Variants in PCDH15 observed in about 807,000 individuals in gnomAD.
PCDH15 encodes protocadherin related 15.
PCDH15 carries 129 observed loss-of-function variants against 178.5 expected under a neutral mutation model. The observed-to-expected ratio is 0.72, with a 90% CI of 0.63 to 0.84. The LOEUF (loss-of-function observed/expected upper bound fraction) is 0.84. Ranked by LOEUF, PCDH15 falls within the 40% of genes least tolerant of loss-of-function variation. The pLI is 0.00. For missense variants in PCDH15, 2,230 were observed against 2,099.9 expected, an observed-to-expected ratio of 1.06 and a Z score of -1.21; for synonymous variants, 800 against 732.0, an observed-to-expected ratio of 1.09 and a Z score of -1.50.
intron 3 of PCDH15, among the ~76,000 whole-genome samples, chr10:54,821,407 C>A (rs1019538758): frequency 2.0e-5 from 3 of 151,656 alleles, no homozygotes; most frequent in African/African-American, 7.3e-5. Context: ...TTTTCTAACC[C>A]TTTTTAATAA....
chr10:55,356,109 G>A (rs73255727), intron 2 of PCDH15, among the ~76,000 whole-genome samples: 3,784 of 151,876 alleles, frequency 0.025, 65 homozygotes, highest in African/African-American at 0.053. Flanking sequence ...CTAATTAAGT[G>A]TTCAACAATT....
At chr10:55,137,598 G>T (rs988609016) in intron 2 of PCDH15, among the ~76,000 whole-genome samples, 2 of 110,664 alleles carry the variant, frequency 1.8e-5, no homozygotes, top group African/African-American at 7.3e-5. Flanking sequence ...ATAGAAAATT[G>T]ACAAATTTAT....
chr10:54,034,902 T>C (rs1479482711), intron 18 of PCDH15, among the ~76,000 whole-genome samples: 1 of 151,924 alleles, frequency 6.6e-6, no homozygotes, highest in Non-Finnish European at 1.5e-5. Context: ...TTTTTAGAAG[T>C]TACAGATATA....
At chr10:54,455,519 T>TG (rs1433586114) in intron 3 of PCDH15, among the ~76,000 whole-genome samples, 1 of 152,170 alleles carries the variant, frequency 6.6e-6, no homozygotes, top group Non-Finnish European at 1.5e-5. Flanking sequence ...GCAGGGAGAC[T>TG]GGCAGCATTT....
At chr10:54,811,802 A>G (rs1020914011) in intron 3 of PCDH15, among the ~76,000 whole-genome samples, 1 of 152,186 alleles carries the variant, frequency 6.6e-6, no homozygotes, top group African/African-American at 2.4e-5. Context: ...TTAATAATCT[A>G]TTTGTGCTCT....
At chr10:54,307,092 A>ATATG (rs58951263) in intron 8 of PCDH15, among the ~76,000 whole-genome samples, 1 of 18,372 alleles carries the variant, frequency 5.4e-5, no homozygotes. Flanking sequence ...ATATATATAT[A>ATATG]TGTGTGTGTG....
At chr10:54,431,420 A>T (rs11492414) in intron 3 of PCDH15, among the ~76,000 whole-genome samples, 16,488 of 152,228 alleles carry the variant, frequency 0.11, 1,187 homozygotes, top group Middle Eastern at 0.22. Context: ...GACAAGTGAG[A>T]TTTATCCCAG....
At chr10:55,364,118 C>A (rs1428799245) in intron 2 of PCDH15, among the ~76,000 whole-genome samples, 3 of 152,046 alleles carry the variant, frequency 2.0e-5, no homozygotes, top group Admixed American at 1.3e-4. Flanking sequence ...CTCCCCACTC[C>A]GCTTGGCACT....
chr10:55,451,061 C>A (rs1474199228), intron 2 of PCDH15, among the ~76,000 whole-genome samples: 1 of 150,196 alleles, frequency 6.7e-6, no homozygotes, highest in Non-Finnish European at 1.5e-5. Flanking sequence ...CAGAGAGCTA[C>A]AATGGCATGA....
At chr10:54,491,410 G>A (rs993670125) in intron 3 of PCDH15, among the ~76,000 whole-genome samples, 2 of 150,746 alleles carry the variant, frequency 1.3e-5, no homozygotes, top group Non-Finnish European at 2.9e-5. Flanking sequence ...TGAATGTAAA[G>A]ATAGCTTTTT....
intron 2 of PCDH15, among the ~76,000 whole-genome samples, chr10:55,076,827 T>C (rs1262103724): frequency 7.1e-6 from 1 of 140,854 alleles, no homozygotes; most frequent in African/African-American, 2.7e-5. Flanking sequence ...TGGAGTGCAA[T>C]GGGGCGATCT....
intron 3 of PCDH15, among the ~76,000 whole-genome samples, chr10:54,854,745 A>G (rs1364699815): frequency 1.3e-5 from 2 of 152,096 alleles, no homozygotes; most frequent in East Asian, 1.9e-4. Flanking sequence ...GAGTGGAGGT[A>G]GTGCATGCTG....
intron 16 of PCDH15, among the ~76,000 whole-genome samples, chr10:54,088,357 T>C (rs1317503596): frequency 6.6e-6 from 1 of 152,196 alleles, no homozygotes; most frequent in East Asian, 1.9e-4. Flanking sequence ...CACATATCCT[T>C]TTTTAAAGAA....
At chr10:54,006,164 G>T (rs1204379015) in intron 20 of PCDH15, among the ~76,000 whole-genome samples, 1 of 151,924 alleles carries the variant, frequency 6.6e-6, no homozygotes. Context: ...TGTTTTCTCT[G>T]GTTTGGATTT....
In PCDH15 at chr10:55,463,987, GAAAGAGAAAGAA is replaced by G. The variant is rs1361488837; in HGVS notation, c.-156+163626_-156+163637del. Among the ~76,000 whole-genome samples, 118 of 25,244 alleles carry G rather than the reference GAAAGAGAAAGAA, an allele frequency of 4.7e-3. 18 individuals carry two copies. Among genetic ancestry groups the G allele is most frequent in the South Asian group, 4.0e-3 (3 of 750 alleles). The allele number at this position is 25,244 out of a possible 152,430, so 16.6% of individuals were successfully genotyped here. On this transcript the variant is annotated intron_variant, in intron 2 of 5. Coordinates refer to the PCDH15 transcript ENST00000613346. ...AAAGAAAGAAAGAGAAAGAAAGAAA[GAAAGAGAAAGAA>G]AGAAAGAAAGAAAGAAAGAAAGAAA... is the stretch of plus-strand genomic sequence containing the variant.
At chr10:54,969,303 A>G (rs1838873576) in intron 2 of PCDH15, among the ~76,000 whole-genome samples, 1 of 152,184 alleles carries the variant, frequency 6.6e-6, no homozygotes, top group African/African-American at 2.4e-5. Context: ...AGCTGTGTTA[A>G]GAGCAGAACT....
intron 2 of PCDH15, among the ~76,000 whole-genome samples, chr10:55,593,598 G>C (rs1842884762): frequency 6.6e-6 from 1 of 151,692 alleles, no homozygotes; most frequent in African/African-American, 2.4e-5. Flanking sequence ...AAGAGGTACT[G>C]AATACCTAAA....
chr10:54,734,545 C>A (rs1289743223), intron 1 of PCDH15, among the ~76,000 whole-genome samples: 1 of 151,906 alleles, frequency 6.6e-6, no homozygotes, highest in African/African-American at 2.4e-5. Context: ...TGCATCACCA[C>A]CCCTAGGTAT....
At chr10:55,259,066 C>A (rs1842083796) in intron 1 of PCDH15, among the ~76,000 whole-genome samples, 1 of 152,152 alleles carries the variant, frequency 6.6e-6, no homozygotes, top group South Asian at 2.1e-4. Context: ...TCCCTCTCCT[C>A]ATCTGAAGCA....
Sources: allele counts gnomAD v4.1 joint callset (sites outside exome capture counted in the v4.1 genomes callset), GRCh38; gene constraint gnomAD v4.1.1; transcripts MANE v1.5; gene names NCBI Gene and HGNC (gene_info 2026-07-23, HGNC 2026-07-21).